Variants in COL25A1 observed in about 807,000 individuals in gnomAD.
COL25A1 encodes collagen alpha-1(XXV) chain.
A neutral mutation model predicts 128.4 loss-of-function variants in COL25A1; 103 were observed. The observed-to-expected ratio is 0.80, with a 90% CI of 0.68 to 0.94. The LOEUF is 0.94. Among genes scored for constraint, COL25A1 ranks in the 40% least tolerant of loss-of-function variants. The pLI is 0.00. For synonymous variants in COL25A1, 279 were observed against 277.2 expected (o/e 1.01, Z -0.06); for missense variants, 745 against 840.0 (o/e 0.89, Z 1.40).
intron 36 of COL25A1, among the ~76,000 whole-genome samples, chr4:108,818,033 T>C (rs1230150062): frequency 1.3e-5 from 2 of 152,180 alleles, no homozygotes; most frequent in Admixed American, 6.5e-5. Flanking sequence ...GATTTCTCTA[T>C]TTAAATTATT....
intron 3 of COL25A1, among the ~76,000 whole-genome samples, chr4:109,246,190 C>G (rs191663217): frequency 6.6e-5 from 10 of 151,962 alleles, no homozygotes; most frequent in Admixed American, 6.6e-4. Flanking sequence ...AAAACAATGA[C>G]GATTATAATG....
intron 3 of COL25A1, among the ~76,000 whole-genome samples, chr4:109,109,380 T>C (rs901205084): frequency 7.2e-5 from 11 of 152,196 alleles, no homozygotes; most frequent in Admixed American, 2.0e-4. Flanking sequence ...TTCCCTTTCC[T>C]CTTTTCATGT....
chr4:109,028,823 T>G (rs578097137), intron 5 of COL25A1, among the ~76,000 whole-genome samples: 134 of 151,026 alleles, frequency 8.9e-4, no homozygotes, highest in Non-Finnish European at 1.4e-3. Context: ...CTTGAAAGAG[T>G]GATAAGAACA....
chr4:108,890,665 A>T (rs1741381483), intron 16 of COL25A1, among the ~76,000 whole-genome samples: 3 of 152,220 alleles, frequency 2.0e-5, no homozygotes, highest in South Asian at 4.2e-4. Context: ...CTGTCAAGAA[A>T]ATAGAAACAG....
At chr4:109,199,711 T>G (rs1054587430) in intron 3 of COL25A1, among the ~76,000 whole-genome samples, 1 of 152,190 alleles carries the variant, frequency 6.6e-6, no homozygotes, top group African/African-American at 2.4e-5. Context: ...TAGGATTGTA[T>G]TTCCCTAGCC....
At chr4:108,862,335 A>G (rs1737331560) in intron 22 of COL25A1, among the ~76,000 whole-genome samples, 166 bp downstream of exon 22, 1 of 152,240 alleles carries the variant, frequency 6.6e-6, no homozygotes, top group Non-Finnish European at 1.5e-5. Flanking sequence ...TATTGTTTTG[A>G]GATATCATCA....
At chr4:108,819,988 G>T (rs1436139739) in intron 35 of COL25A1, 1 of 518,316 alleles carries the variant, frequency 1.9e-6, no homozygotes, top group Non-Finnish European at 3.0e-6. Context: ...GAAAATTCTG[G>T]AAGGGCATTT....
intron 23 of COL25A1, 109 bp from the exon 24 acceptor site, chr4:108,859,842 C>T: frequency 1.4e-6 from 1 of 699,306 alleles, no homozygotes. Flanking sequence ...TATCATTTCC[C>T]TACTAAGGCC....
chr4:109,043,691 G>T (rs1760149566), intron 5 of COL25A1, among the ~76,000 whole-genome samples: 1 of 152,108 alleles, frequency 6.6e-6, no homozygotes, highest in South Asian at 2.1e-4. Flanking sequence ...CAAAGAGACA[G>T]AGAGACTGCA....
At chr4:108,884,041 A>C in intron 19 of COL25A1, 137 bp downstream of exon 19, 1 of 682,310 alleles carries the variant, frequency 1.5e-6, no homozygotes, top group African/African-American at 1.8e-5. Flanking sequence ...TTAAAAATTT[A>C]GTTAGTTGAG....
intron 3 of COL25A1, among the ~76,000 whole-genome samples, chr4:109,144,018 A>G (rs1770694464): frequency 6.6e-6 from 1 of 152,078 alleles, no homozygotes; most frequent in Admixed American, 6.6e-5. Flanking sequence ...ATTTTTCCTC[A>G]TCTTCGTGGA....
At chr4:108,825,632 A>G (rs1191202936) in intron 33 of COL25A1, among the ~76,000 whole-genome samples, 2 of 152,226 alleles carry the variant, frequency 1.3e-5, no homozygotes, top group Non-Finnish European at 2.9e-5. Context: ...TCCAGGAGTT[A>G]AGTTAAAAGC....
At chr4:109,035,263 T>C (rs1260121086) in intron 5 of COL25A1, among the ~76,000 whole-genome samples, 1 of 152,188 alleles carries the variant, frequency 6.6e-6, no homozygotes, top group African/African-American at 2.4e-5. Context: ...GATTAACTGT[T>C]ACCAAACTTT....
At chr4:109,275,495 T>A (rs1022761334) in intron 3 of COL25A1, among the ~76,000 whole-genome samples, 2 of 152,146 alleles carry the variant, frequency 1.3e-5, no homozygotes, top group Non-Finnish European at 2.9e-5. Context: ...GACACAGAGA[T>A]GTGTGACCCA....
In COL25A1 at chr4:108,846,145, T is replaced by A; in HGVS notation, c.1509A>T (p.Gly503=). 6.2e-7 allele frequency: 1 copy of A among 1,602,284 alleles called. No individual in the cohort carries two copies. Among genetic ancestry groups the A allele is most frequent in the Non-Finnish European group, 8.6e-7 (1 of 1,169,306 alleles). ...TGEKGGIGLP[G]LPGANGMKGE... ...ACAGAAAGTATAAACATACCGGTAA[T>A]CCAGGAAGTCCAATTCCTCCTTTTT... is the stretch of plus-strand genomic sequence containing the variant. The change falls in exon 28 of 38, where the codon GGA becomes GGT. Residue 503 remains glycine, a synonymous_variant. Coordinates refer to ENST00000399132, the MANE Select transcript of COL25A1 (RefSeq NM_198721.4).
chr4:108,979,611 G>C lies in COL25A1; in HGVS notation c.439-5052C>G, dbSNP rs114043991. 7.5e-3 allele frequency among the ~76,000 whole-genome samples: 1,138 copies of C among 152,278 alleles called. 7 individuals carry two copies. Among genetic ancestry groups the C allele is most frequent in the Admixed American group, 0.013 (203 of 15,296 alleles). On this transcript the variant is annotated intron_variant, in intron 6 of 37. Transcript: ENST00000399132. The stretch of plus-strand genomic sequence containing the variant: ...ATGCTGGGAATTCTTGGCAGCCCGA[G>C]TGCCTGGAATAAGAATGGGGTTATG...
intron 3 of COL25A1, among the ~76,000 whole-genome samples, chr4:109,178,905 G>A (rs190557886): frequency 6.7e-6 from 1 of 148,324 alleles, no homozygotes; most frequent in Non-Finnish European, 1.5e-5. Context: ...TGAATTTTGA[G>A]ACTCAAACCA....
At chr4:109,134,628 A>T (rs1373736602) in intron 3 of COL25A1, among the ~76,000 whole-genome samples, 1 of 152,144 alleles carries the variant, frequency 6.6e-6, no homozygotes, top group Non-Finnish European at 1.5e-5. Context: ...TATCACCCGG[A>T]CTTGGTTATT....
At chr4:109,052,067 T>C (rs1480282018) in intron 3 of COL25A1, among the ~76,000 whole-genome samples, 2 of 152,182 alleles carry the variant, frequency 1.3e-5, no homozygotes, top group African/African-American at 2.4e-5. Flanking sequence ...TTATTACTTA[T>C]TTATTGGGAA....
Sources: gnomAD v4.1 joint callset for allele counts (sites outside exome capture counted in the v4.1 genomes callset) on GRCh38, gnomAD v4.1.1 for gene constraint, MANE v1.5 for transcripts, NCBI Gene and HGNC (gene_info 2026-07-23, HGNC 2026-07-21) for gene names.